SMOC2: variants seen among roughly 807,000 people sequenced by gnomAD.
SMOC2 encodes SPARC related modular calcium binding 2, also known as SPARC-related modular calcium-binding protein 2.
In SMOC2, 39 loss-of-function variants were observed where a neutral mutation model predicts 61.4. That is an observed-to-expected ratio of 0.64 (90% CI 0.49 to 0.83). The LOEUF (loss-of-function observed/expected upper bound fraction) is 0.83, where lower values mean the gene tolerates loss of function less well. Among genes scored for constraint, SMOC2 ranks in the 40% least tolerant of loss-of-function variants. The pLI is 0.00. For missense variants in SMOC2, 556 were observed against 592.9 expected, an observed-to-expected ratio of 0.94 and a Z score of 0.65; for synonymous variants, 247 against 239.9, an observed-to-expected ratio of 1.03 and a Z score of -0.27.
chr6:168,584,805 G>C (rs1349764751), intron 7 of SMOC2, among the ~76,000 whole-genome samples: 1 of 152,132 alleles, frequency 6.6e-6, no homozygotes, highest in Admixed American at 6.5e-5. Context: ...GGCCGTGCAC[G>C]GTGGGAGGAG....
intron 1 of SMOC2, among the ~76,000 whole-genome samples, chr6:168,469,148 T>C (rs1348603664): frequency 6.6e-6 from 1 of 152,198 alleles, no homozygotes; most frequent in Non-Finnish European, 1.5e-5. Flanking sequence ...CTGTTCTTAC[T>C]CCAAGAGTCC....
intron 1 of SMOC2, among the ~76,000 whole-genome samples, chr6:168,498,607 C>T (rs1375551215): frequency 6.6e-6 from 1 of 152,264 alleles, no homozygotes; most frequent in Non-Finnish European, 1.5e-5. Flanking sequence ...CTGCTGCAGG[C>T]TGAGTGGTGA....
At chr6:168,644,093 G>T (rs1273301639) in intron 9 of SMOC2, among the ~76,000 whole-genome samples, 1 of 152,184 alleles carries the variant, frequency 6.6e-6, no homozygotes, top group East Asian at 1.9e-4. Flanking sequence ...GTTTCGGCTG[G>T]GGATGGAGCA....
At chr6:168,605,028 C>T (rs1785651842) in intron 8 of SMOC2, among the ~76,000 whole-genome samples, 2 of 152,092 alleles carry the variant, frequency 1.3e-5, no homozygotes, top group Admixed American at 1.3e-4. Context: ...ATGGTAGAGT[C>T]CAGGTGGGAG....
At chr6:168,546,870 C>G (rs371567213) in intron 5 of SMOC2, among the ~76,000 whole-genome samples, 3 of 152,162 alleles carry the variant, frequency 2.0e-5, no homozygotes, top group African/African-American at 7.2e-5. Flanking sequence ...TAGAACTGAT[C>G]GGATATTTTC....
At chr6:168,621,990 G>C (rs1294946513) in intron 9 of SMOC2, among the ~76,000 whole-genome samples, 5 of 151,836 alleles carry the variant, frequency 3.3e-5, no homozygotes, top group Non-Finnish European at 7.4e-5. Flanking sequence ...TCTTGAGATG[G>C]AGTCTCGCTC....
intron 9 of SMOC2, among the ~76,000 whole-genome samples, chr6:168,637,774 A>C (rs1485456730): frequency 6.6e-6 from 1 of 152,208 alleles, no homozygotes; most frequent in Non-Finnish European, 1.5e-5. Context: ...TGAGACCTTG[A>C]GAGGAGAGAA....
At chr6:168,583,724 C>T (rs546899629) in intron 7 of SMOC2, among the ~76,000 whole-genome samples, 3 of 152,324 alleles carry the variant, frequency 2.0e-5, no homozygotes, top group Admixed American at 6.5e-5. Flanking sequence ...AGGCTTGGGC[C>T]CAAAGTCCCA....
intron 9 of SMOC2, among the ~76,000 whole-genome samples, chr6:168,628,921 G>A (rs1786491189): frequency 6.6e-6 from 1 of 152,252 alleles, no homozygotes; most frequent in African/African-American, 2.4e-5. Context: ...GGCGTGGGTG[G>A]AGGGCAGTCC....
At chr6:168,577,906 C>T (rs900628037) in intron 7 of SMOC2, among the ~76,000 whole-genome samples, 4 of 152,162 alleles carry the variant, frequency 2.6e-5, no homozygotes, top group Non-Finnish European at 5.9e-5. Flanking sequence ...CCCACTGAAT[C>T]CATCTTTTTC....
At chr6:168,464,265 C>T (rs74471143) in intron 1 of SMOC2, among the ~76,000 whole-genome samples, 8 of 148,484 alleles carry the variant, frequency 5.4e-5, no homozygotes, top group South Asian at 2.2e-4. Context: ...GAAGGACGGA[C>T]GGAAGGAAGG....
At chr6:168,448,323 T>C (rs1396463635) in intron 1 of SMOC2, among the ~76,000 whole-genome samples, 5 of 150,490 alleles carry the variant, frequency 3.3e-5, no homozygotes, top group African/African-American at 4.9e-5. Context: ...GGGAGGAGGA[T>C]GGCACTGGGG....
intron 7 of SMOC2, among the ~76,000 whole-genome samples, chr6:168,575,273 G>A (rs896413569): frequency 2.0e-5 from 3 of 152,196 alleles, no homozygotes; most frequent in Non-Finnish European, 2.9e-5. Flanking sequence ...TATAAAGTGA[G>A]CACTCAACAT....
At chr6:168,645,589 G>A (rs1386726410) in intron 9 of SMOC2, among the ~76,000 whole-genome samples, 1 of 152,164 alleles carries the variant, frequency 6.6e-6, no homozygotes, top group Admixed American at 6.5e-5. Flanking sequence ...AACCCTGTGG[G>A]CTTTCTCCCA....
At chr6:168,569,401 A>C (rs535209988) in intron 7 of SMOC2, among the ~76,000 whole-genome samples, 1 of 152,002 alleles carries the variant, frequency 6.6e-6, no homozygotes, top group South Asian at 2.1e-4. Context: ...TTGAATTTTA[A>C]GTGTTCTTTG....
At position 168,522,292 on chromosome 6, in the gene SMOC2, C is replaced by T. The variant is rs190355798; in HGVS notation, c.257-4054C>T. Among the ~76,000 whole-genome samples, 283 of 152,286 alleles carry T rather than the reference C, an allele frequency of 1.9e-3. 2 individuals are homozygous for T. The highest frequency in any genetic ancestry group is 6.3e-3 in the African/African-American group (260 of 41,542). Reference sequence around the variant, plus strand: ...TGTGGCAGACAGCAGGCACTCCCTCCGTAAGTTACATGCAGGACTGCCATG... The same window carrying T: ...TGTGGCAGACAGCAGGCACTCCCTCTGTAAGTTACATGCAGGACTGCCATG... On this transcript the variant is annotated intron_variant, in intron 2 of 12. Transcript: ENST00000356284.
intron 1 of SMOC2, among the ~76,000 whole-genome samples, chr6:168,500,313 A>G (rs1249894293): frequency 6.6e-6 from 1 of 151,500 alleles, no homozygotes; most frequent in Non-Finnish European, 1.5e-5. Flanking sequence ...AAAGAAGAAG[A>G]AAAAAGAAAA....
chr6:168,560,223 TCTG>T (rs1287698366), intron 7 of SMOC2, among the ~76,000 whole-genome samples: 1 of 152,246 alleles, frequency 6.6e-6, no homozygotes. Flanking sequence ...CATGGATCTC[TCTG>T]CTTTTGCCTG....
intron 1 of SMOC2, among the ~76,000 whole-genome samples, chr6:168,450,738 T>C (rs1781442062): frequency 6.6e-6 from 1 of 152,206 alleles, no homozygotes; most frequent in Non-Finnish European, 1.5e-5. Context: ...CTTTTAAGAA[T>C]GTGGTCCCAA....
Sources: gnomAD v4.1 joint callset for allele counts (sites outside exome capture counted in the v4.1 genomes callset) on GRCh38, gnomAD v4.1.1 for gene constraint, MANE v1.5 for transcripts, NCBI Gene and HGNC (gene_info 2026-07-23, HGNC 2026-07-21) for gene names.